Variants in COL6A6 observed in about 807,000 individuals in gnomAD.
COL6A6 encodes the protein collagen alpha-6(VI) chain.
COL6A6 carries 183 observed loss-of-function variants against 208.6 expected under a neutral mutation model. The observed-to-expected ratio is 0.88, with a 90% CI of 0.78 to 0.99. The LOEUF is 0.99. Among genes scored for constraint, COL6A6 ranks in the 50% least tolerant of loss-of-function variants. COL6A6 has a pLI of 0.00. For synonymous variants in COL6A6, 973 were observed against 1,011.8 expected, an observed-to-expected ratio of 0.96 and a Z score of 0.73; for missense variants, 2,816 against 2,815.2, an observed-to-expected ratio of 1.00 and a Z score of -0.01.
intron 12 of COL6A6, among the ~76,000 whole-genome samples, 185 bp from the exon 13 acceptor site, chr3:130,590,856 C>A (rs2063696381): frequency 6.6e-6 from 1 of 152,210 alleles, no homozygotes; most frequent in Non-Finnish European, 1.5e-5. Flanking sequence ...CATGAGCCAC[C>A]ACACCCGGCC....
intron 23 of COL6A6, among the ~76,000 whole-genome samples, chr3:130,614,547 T>C (rs914009873): frequency 6.6e-6 from 1 of 152,218 alleles, no homozygotes; most frequent in African/African-American, 2.4e-5. Context: ...GAGAAGTCCC[T>C]CTACCTCACC....
intron 1 of COL6A6, among the ~76,000 whole-genome samples, chr3:130,519,875 T>C (rs1710964173): frequency 6.6e-6 from 1 of 152,222 alleles, no homozygotes; most frequent in Admixed American, 6.5e-5. Flanking sequence ...CCCAATTTTA[T>C]CCTGTGTTCT....
intron 35 of COL6A6, among the ~76,000 whole-genome samples, chr3:130,664,163 A>C (rs776224882): frequency 2.6e-5 from 4 of 152,178 alleles, no homozygotes; most frequent in Non-Finnish European, 5.9e-5. Context: ...CTCCACATCA[A>C]AATCAACACA....
chr3:130,560,233 T>A lies in COL6A6; in HGVS notation c.-31-101T>A, dbSNP rs1467282257. On this transcript the variant is annotated intron_variant, in intron 1 of 36. Transcript: ENST00000358511. The stretch of plus-strand genomic sequence containing the variant: ...TGAACCTCAGAAATTCCTTGTCCCC[T>A]GTTACACCCAATTTATTATATAATT... 1.1e-5 allele frequency: 7 copies of A among 644,276 alleles called. No homozygotes were observed. The Admixed American group carries it at 1.9e-4, about 18-fold the overall frequency. The allele number at this position is 644,276 out of a possible 1,614,324, so 39.9% of individuals were successfully genotyped here. A position where few individuals can be genotyped will look rare whatever the true frequency, so the allele number is the denominator to read the frequency against.
intron 1 of COL6A6, among the ~76,000 whole-genome samples, chr3:130,543,303 CTT>C (rs1038792310): frequency 6.6e-6 from 1 of 152,166 alleles, no homozygotes; most frequent in African/African-American, 2.4e-5. Flanking sequence ...GACAAACTGT[CTT>C]TTAATTGGGG....
Position 130,599,779 on chromosome 3 carries a change from C to T in COL6A6, c.4622C>T (p.Pro1541Leu). 1 of 1,613,720 alleles carries T rather than the reference C, an allele frequency of 6.2e-7. No individual in the cohort carries two copies. The highest frequency in any genetic ancestry group is 8.5e-7 in the Non-Finnish European group (1 of 1,179,758). ...CAGGGCAGAAGAGGCTGGCCAGGCC[C>T]CCCCGGGACACCAGGCTCCAGAAGA... is the stretch of plus-strand genomic sequence containing the variant. Reference protein sequence around the residue: ...GRQGRRGWPGPPGTPGSRRKT... With the variant: ...GRQGRRGWPGLPGTPGSRRKT... Residue 1541 changes from proline (P) to leucine (L), a missense_variant, in exon 20 of 37, where the codon CCC becomes CTC. Pro to Leu is a moderately conservative substitution (Grantham distance 98). Coordinates refer to ENST00000358511, the MANE Select transcript of COL6A6 (RefSeq NM_001102608.3).
At chr3:130,653,742 G>C (rs1283146032) in intron 33 of COL6A6, among the ~76,000 whole-genome samples, 1 of 152,182 alleles carries the variant, frequency 6.6e-6, no homozygotes, top group Non-Finnish European at 1.5e-5. Flanking sequence ...CCAGTGATAT[G>C]TGGTAGGATG....
intron 1 of COL6A6, among the ~76,000 whole-genome samples, chr3:130,558,104 A>G (rs2062806429): frequency 6.6e-6 from 1 of 152,222 alleles, no homozygotes. Flanking sequence ...TGATTGCTTT[A>G]AATAAACCTC....
At chr3:130,537,182 CAGTT>C (rs1321564074) in intron 1 of COL6A6, among the ~76,000 whole-genome samples, 8 of 152,324 alleles carry the variant, frequency 5.3e-5, no homozygotes, top group South Asian at 2.1e-4. Flanking sequence ...TCCCTTAACA[CAGTT>C]AGGGACACTA....
chr3:130,610,148 A>G (rs1051443528), intron 22 of COL6A6, among the ~76,000 whole-genome samples: 1 of 152,088 alleles, frequency 6.6e-6, no homozygotes, highest in African/African-American at 2.4e-5. Context: ...CAAACACAGC[A>G]TGAAAGTTTC....
intron 5 of COL6A6, 50 bp from the exon 6 acceptor site, chr3:130,567,997 C>G: frequency 6.8e-7 from 1 of 1,475,934 alleles, no homozygotes; most frequent in Non-Finnish European, 9.2e-7. Context: ...TTACTCTGAA[C>G]TTTTTACATG....
chr3:130,627,341 A>T lies in COL6A6; in HGVS notation c.4964A>T (p.Tyr1655Phe). 4 of 1,613,754 alleles carry T rather than the reference A, an allele frequency of 2.5e-6. No individual in the cohort carries two copies. In the South Asian group the frequency reaches 4.4e-5, roughly 18 times the overall value. ...GLQGNDGSPGYGSVGRKGAKG... is the reference protein window; with the variant it reads ...GLQGNDGSPGFGSVGRKGAKG... ...CAGGGCAATGATGGCAGTCCAGGTT[A>T]TGGTAGTGTCGGACGCAAGGGAGCA... Residue 1655 changes from tyrosine to phenylalanine, a missense_variant, in exon 26 of 37, where the codon TAT (tyrosine) becomes TTT (phenylalanine). Transcript: ENST00000358511.
chr3:130,656,215 G>A (rs1181234131), intron 33 of COL6A6, among the ~76,000 whole-genome samples: 1 of 152,260 alleles, frequency 6.6e-6, no homozygotes, highest in Non-Finnish European at 1.5e-5. Flanking sequence ...AGCCCTGTGT[G>A]TGTTACAGCT....
At chr3:130,523,450 T>A (rs1036249598) in intron 1 of COL6A6, among the ~76,000 whole-genome samples, 2 of 152,178 alleles carry the variant, frequency 1.3e-5, no homozygotes, top group African/African-American at 4.8e-5. Context: ...TGAGCTGAAA[T>A]CAGGTTCCTT....
At chr3:130,662,869 T>TA (rs1268739674) in intron 35 of COL6A6, among the ~76,000 whole-genome samples, 9 of 152,186 alleles carry the variant, frequency 5.9e-5, no homozygotes, top group Admixed American at 4.6e-4. Context: ...TGCCAGTAAT[T>TA]AGAGTAACTG....
intron 7 of COL6A6, 69 bp downstream of exon 7, chr3:130,571,462 T>C (rs2107935386): frequency 2.6e-6 from 3 of 1,175,376 alleles, no homozygotes; most frequent in East Asian, 5.0e-5. Context: ...AGCAAAGCAA[T>C]GGCTCTCAGG....
In COL6A6 at chr3:130,570,972, G is replaced by A. The variant is rs765975023; in HGVS notation, c.2556G>A (p.Lys852=). 2 of 1,613,896 alleles carry A rather than the reference G, an allele frequency of 1.2e-6. No individual in the cohort carries two copies. Among genetic ancestry groups the A allele is most frequent in the African/African-American group, 1.3e-5 (1 of 74,932 alleles). Residue 852 remains lysine, a synonymous_variant, in exon 7 of 37, where the codon AAG becomes AAA. Transcript: ENST00000358511. ...ATCAGGTCCGGTTTGGGGCTCTGAA[G>A]TATGCTGATGACCCAGAGGTGCTGT... ...GKNQVRFGAL[K]YADDPEVLFY... is the part of the protein sequence containing the mutation.
intron 1 of COL6A6, among the ~76,000 whole-genome samples, chr3:130,528,575 A>G (rs2062012787): frequency 6.6e-6 from 1 of 152,334 alleles, no homozygotes; most frequent in South Asian, 2.1e-4. Context: ...AAGTGAATGG[A>G]TATGGGTGTG....
At chr3:130,631,329 C>T (rs2065003164) in intron 26 of COL6A6, among the ~76,000 whole-genome samples, 1 of 106,228 alleles carries the variant, frequency 9.4e-6, no homozygotes, top group Non-Finnish European at 1.6e-5. Flanking sequence ...GACACATACA[C>T]TCTCCCAAGA....
Sources: gnomAD v4.1 joint callset for allele counts (sites outside exome capture counted in the v4.1 genomes callset) on GRCh38, gnomAD v4.1.1 for gene constraint, MANE v1.5 for transcripts, NCBI Gene and HGNC (gene_info 2026-07-23, HGNC 2026-07-21) for gene names.